Variants in NAV2 observed in about 807,000 individuals in gnomAD.
The protein encoded by NAV2 is neuron navigator 2, also known as helicase, APC down-regulated 1.
NAV2 carries 54 observed loss-of-function variants against 223.2 expected under a neutral mutation model. That is an observed-to-expected ratio of 0.24 (90% confidence interval 0.19 to 0.30). The LOEUF (loss-of-function observed/expected upper bound fraction) is 0.30. Among genes scored for constraint, NAV2 ranks in the 10% least tolerant of loss-of-function variants. The probability of loss-of-function intolerance (pLI) is 1.00; values close to 1 mark genes in which losing one functional copy is unlikely to be tolerated. For missense variants in NAV2, 2,806 were observed against 3,147.5 expected (o/e 0.89, Z 2.60); for synonymous variants, 1,279 against 1,239.3 (o/e 1.03, Z -0.67).
Position 20,049,062 on chromosome 11 carries a change from T to C in NAV2, c.4237T>C (p.Ser1413Pro), listed in dbSNP as rs1009492228. 1 of 1,613,888 alleles carries C rather than the reference T, an allele frequency of 6.2e-7. No individual in the cohort carries two copies. ...SVSSLHTSCE[S>P]IDISLSSGGV... ...CAGCAGCCTCCACACCAGCTGTGAG[T>C]CCATCGACATCTCCCTCAGCAGTGG... is the stretch of plus-strand genomic sequence containing the variant. Residue 1413 changes from serine to proline, a missense_variant, in exon 15 of 38, where the codon TCC (serine) becomes CCC (proline). Ser to Pro is a moderately conservative substitution (Grantham distance 74). Around this residue, in one of 4 missense-constraint regions of NAV2, gnomAD observed 742 missense variants for 777.9 expected, o/e 0.95. Coordinates refer to ENST00000349880, the MANE Select transcript of NAV2 (RefSeq NM_145117.5).
intron 1 of NAV2, among the ~76,000 whole-genome samples, chr11:19,612,996 G>A (rs1039885827): frequency 1.3e-4 from 20 of 152,096 alleles, no homozygotes; most frequent in Admixed American, 2.6e-4. Context: ...GAATCATCCC[G>A]GAAGGCAAAA....
intron 1 of NAV2, among the ~76,000 whole-genome samples, chr11:19,784,320 G>A (rs1437901278): frequency 1.3e-5 from 2 of 149,536 alleles, no homozygotes; most frequent in African/African-American, 2.5e-5. Flanking sequence ...CCCGGGAGGT[G>A]GAGGTTGCGG....
At chr11:19,389,480 T>A (rs980749461) in intron 1 of NAV2, among the ~76,000 whole-genome samples, 11 of 152,214 alleles carry the variant, frequency 7.2e-5, no homozygotes, top group African/African-American at 2.7e-4. Flanking sequence ...TGCCTGGCTT[T>A]GAATCTTATT....
intron 1 of NAV2, among the ~76,000 whole-genome samples, chr11:19,604,190 G>A (rs1270029975): frequency 4.6e-5 from 7 of 152,126 alleles, no homozygotes; most frequent in African/African-American, 1.2e-4. Flanking sequence ...TGACTTAAAC[G>A]TTTTTAAAGA....
chr11:19,702,215 G>T (rs1211573141), intron 1 of NAV2, among the ~76,000 whole-genome samples: 1 of 152,222 alleles, frequency 6.6e-6, no homozygotes, highest in Non-Finnish European at 1.5e-5. Context: ...TCCCTGGAAG[G>T]AAGGGAGAAT....
In NAV2 at chr11:20,118,374, G is replaced by A. The variant is rs78757042; in HGVS notation, c.*116G>A. 1.7e-3 allele frequency: 2,100 copies of A among 1,250,660 alleles called. 24 individuals carry two copies. In the African/African-American group the frequency reaches 0.026, roughly 16 times the overall value. 77.5% of individuals were successfully genotyped at this position (1,250,660 alleles called of 1,614,324 possible). ...CCCCCAGCCACAGCCTTAGAGCTGC[G>A]GGAACACCGAGACCCCCCGTCCTTC... On this transcript the variant is annotated 3_prime_UTR_variant, in exon 38 of 38. Coordinates refer to ENST00000349880, the MANE Select transcript of NAV2 (RefSeq NM_145117.5).
At chr11:20,069,476 G>A (rs141542573) in intron 22 of NAV2, among the ~76,000 whole-genome samples, 12 of 152,214 alleles carry the variant, frequency 7.9e-5, no homozygotes, top group African/African-American at 2.6e-4. Context: ...CAGTGGGTGG[G>A]CTGGTTTGCA....
At chr11:19,368,665 G>T (rs184157058) in intron 1 of NAV2, among the ~76,000 whole-genome samples, 1 of 152,110 alleles carries the variant, frequency 6.6e-6, no homozygotes, top group Non-Finnish European at 1.5e-5. Flanking sequence ...GAACTGTTAC[G>T]GTTTATATTT....
chr11:19,660,055 T>C (rs966053402), intron 1 of NAV2, among the ~76,000 whole-genome samples: 2 of 152,104 alleles, frequency 1.3e-5, no homozygotes, highest in African/African-American at 4.8e-5. Context: ...ACAACTCTTG[T>C]TTGGAAAGAA....
chr11:20,072,003 GGC>G (rs1236567045), intron 22 of NAV2, among the ~76,000 whole-genome samples: 1 of 152,126 alleles, frequency 6.6e-6, no homozygotes, highest in Non-Finnish European at 1.5e-5. Flanking sequence ...TAGTCATGAA[GGC>G]TTTGCCCATG....
intron 1 of NAV2, among the ~76,000 whole-genome samples, chr11:19,356,228 G>A (rs912098776): frequency 7.2e-5 from 11 of 152,322 alleles, no homozygotes; most frequent in African/African-American, 2.4e-4. Flanking sequence ...GTAGCCAGAT[G>A]CAACTCCATT....
At chr11:19,565,185 A>G (rs1460952034) in intron 1 of NAV2, among the ~76,000 whole-genome samples, 2 of 152,176 alleles carry the variant, frequency 1.3e-5, no homozygotes, top group Non-Finnish European at 2.9e-5. Flanking sequence ...GTGTGTGCCC[A>G]GTATGTTGCC....
intron 1 of NAV2, among the ~76,000 whole-genome samples, chr11:19,695,605 T>C (rs936655379): frequency 3.3e-5 from 5 of 152,188 alleles, no homozygotes; most frequent in Admixed American, 3.3e-4. Flanking sequence ...TTGAGTTCTG[T>C]CTAAAGACAC....
At chr11:19,862,857 C>T (rs192089981) in intron 3 of NAV2, among the ~76,000 whole-genome samples, 3 of 152,302 alleles carry the variant, frequency 2.0e-5, no homozygotes, top group East Asian at 3.9e-4. Flanking sequence ...ACAAGACAGA[C>T]ATTTAGGAGG....
chr11:19,691,411 G>T lies in NAV2; in HGVS notation c.76-141073G>T, dbSNP rs143941908. On this transcript the variant is annotated intron_variant, in intron 1 of 37. Coordinates refer to the NAV2 transcript ENST00000360655. ...TTCCAAAATCTTCTAAATACCATGTGCATTTTGGAGTGAGAGCACATCTCA... is the reference window on the plus strand; with the variant it reads ...TTCCAAAATCTTCTAAATACCATGTTCATTTTGGAGTGAGAGCACATCTCA... Among the ~76,000 whole-genome samples, 1,075 of 152,038 alleles carry T rather than the reference G, an allele frequency of 7.1e-3. 4 individuals carry two copies. The highest frequency in any genetic ancestry group is 0.01 in the Non-Finnish European group (682 of 67,988).
At chr11:19,617,816 A>C (rs549732545) in intron 1 of NAV2, among the ~76,000 whole-genome samples, 1 of 152,270 alleles carries the variant, frequency 6.6e-6, no homozygotes, top group East Asian at 1.9e-4. Context: ...AAGTCCCTAC[A>C]CAATCTGACT....
At chr11:19,364,268 C>A (rs1854132652) in intron 1 of NAV2, among the ~76,000 whole-genome samples, 1 of 152,174 alleles carries the variant, frequency 6.6e-6, no homozygotes, top group Non-Finnish European at 1.5e-5. Context: ...GTTTCAGAAG[C>A]TGTGTGCCAG....
intron 1 of NAV2, among the ~76,000 whole-genome samples, chr11:19,567,949 A>G (rs1016339592): frequency 3.9e-5 from 6 of 152,040 alleles, no homozygotes; most frequent in Non-Finnish European, 8.8e-5. Flanking sequence ...AACACCGATC[A>G]CACTATAGTG....
chr11:19,953,819 G>T (rs2047591397), intron 10 of NAV2, among the ~76,000 whole-genome samples: 1 of 151,868 alleles, frequency 6.6e-6, no homozygotes, highest in African/African-American at 2.4e-5. Flanking sequence ...AAAAGAACAG[G>T]CAAGAATCTG....
Sources: gnomAD v4.1 joint callset for allele counts (sites outside exome capture counted in the v4.1 genomes callset) on GRCh38, gnomAD v4.1.1 for gene constraint, gnomAD v4.1.1 regional missense constraint, MANE v1.5 for transcripts, NCBI Gene and HGNC (gene_info 2026-07-23, HGNC 2026-07-21) for gene names.